Variants in AK4 observed in about 807,000 individuals in gnomAD.
The protein encoded by AK4 is adenylate kinase 4.
A neutral mutation model predicts 24.6 loss-of-function variants in AK4; 13 were observed. The ratio of observed to expected loss-of-function variants is 0.53; its 90% CI spans 0.34 to 0.84. AK4 has a LOEUF of 0.84. Among genes scored for constraint, AK4 ranks in the 40% least tolerant of loss-of-function variants. The probability of loss-of-function intolerance (pLI) is 0.01; values close to 1 mark genes in which losing one functional copy is unlikely to be tolerated. For synonymous variants in AK4, 88 were observed against 107.0 expected (o/e 0.82, Z 1.10); for missense variants, 192 against 288.2 (o/e 0.67, Z 2.42).
rs1456477430 is a variant in AK4, at chr1:65,190,972, A to G, written c.265+143A>G. ...TTTAATATTGCAATTTGGCAACATG[A>G]TAGGAACCCATTGTGGTGAAGCCTC... is the stretch of plus-strand genomic sequence containing the variant. On this transcript the variant is annotated intron_variant, in intron 2 of 4. Coordinates refer to ENST00000327299, the MANE Select transcript of AK4 (RefSeq NM_013410.4). 2.8e-6 allele frequency: 3 copies of G among 1,064,046 alleles called. No homozygotes were observed. In the African/African-American group the frequency reaches 4.9e-5, roughly 17 times the overall value. The allele number at this position is 1,064,046 out of a possible 1,614,324, so 65.9% of individuals were successfully genotyped here. A position where few individuals can be genotyped will look rare whatever the true frequency, so the allele number is the denominator to read the frequency against.
At chr1:65,202,787 A>G (rs1429033158) in intron 2 of AK4, among the ~76,000 whole-genome samples, 3 of 151,726 alleles carry the variant, frequency 2.0e-5, no homozygotes, top group African/African-American at 7.3e-5. Context: ...TGCTAAGAAG[A>G]CATTAACATG....
chr1:65,170,151 C>G (rs924821449), intron 1 of AK4, among the ~76,000 whole-genome samples: 3 of 151,988 alleles, frequency 2.0e-5, no homozygotes, highest in African/African-American at 7.3e-5. Context: ...CGGAGGCGGG[C>G]GGATCACGAG....
At chr1:65,167,762 G>A (rs1356787480) in intron 1 of AK4, among the ~76,000 whole-genome samples, 1 of 152,156 alleles carries the variant, frequency 6.6e-6, no homozygotes, top group Admixed American at 6.5e-5. Context: ...CGCCTTCTCT[G>A]GAAACAGGCT....
chr1:65,188,714 G>A (rs912471953), intron 1 of AK4, among the ~76,000 whole-genome samples: 2 of 151,674 alleles, frequency 1.3e-5, no homozygotes, highest in African/African-American at 2.4e-5. Context: ...TCCTGACCTC[G>A]TGATCCACCC....
chr1:65,160,896 G>C (rs549932532), intron 1 of AK4, among the ~76,000 whole-genome samples: 1 of 152,210 alleles, frequency 6.6e-6, no homozygotes, highest in African/African-American at 2.4e-5. Context: ...CACTGCAGGG[G>C]AGGAGCCCTT....
At chr1:65,207,417 A>G (rs956910705) in intron 2 of AK4, among the ~76,000 whole-genome samples, 8 of 152,154 alleles carry the variant, frequency 5.3e-5, no homozygotes, top group Non-Finnish European at 1.0e-4. Context: ...CCTGGGATCT[A>G]TAACTAGTGT....
intron 1 of AK4, among the ~76,000 whole-genome samples, chr1:65,156,168 G>T (rs1339387980): frequency 3.9e-5 from 6 of 152,058 alleles, no homozygotes; most frequent in Non-Finnish European, 5.9e-5. Flanking sequence ...AAGGTAAAAA[G>T]GTACATGCAG....
intron 3 of AK4, among the ~76,000 whole-genome samples, chr1:65,220,217 A>G (rs762953432): frequency 6.6e-6 from 1 of 152,212 alleles, no homozygotes; most frequent in South Asian, 2.1e-4. Context: ...TTTGTGCAAA[A>G]TGTAAGTTTT....
At chr1:65,223,918 G>A (rs556177340) in intron 3 of AK4, among the ~76,000 whole-genome samples, 11 of 152,208 alleles carry the variant, frequency 7.2e-5, no homozygotes, top group East Asian at 1.9e-4. Flanking sequence ...ACTTGAACCC[G>A]GGAGGCGGAG....
rs540390531 is a variant in AK4, at chr1:65,216,729, C to T, written c.266-2025C>T. The stretch of plus-strand genomic sequence containing the variant: ...TGAGACAGGAGCTCACTATCTCACT[C>T]TGTCACCCAGGCTGGAGTGCAGTAG... On this transcript the variant is annotated intron_variant, in intron 2 of 4. Transcript: ENST00000327299. 1.7e-4 allele frequency among the ~76,000 whole-genome samples: 24 copies of T among 141,296 alleles called. 5 individuals carry two copies. Among genetic ancestry groups the T allele is most frequent in the African/African-American group, 5.9e-4 (19 of 32,184 alleles). The allele number at this position is 141,296 out of a possible 152,430, so 92.7% of individuals were successfully genotyped here.
intron 2 of AK4, among the ~76,000 whole-genome samples, chr1:65,212,991 A>G (rs566108306): frequency 1.3e-5 from 2 of 152,220 alleles, no homozygotes; most frequent in Non-Finnish European, 2.9e-5. Flanking sequence ...CTTGGAAGCC[A>G]TGTAGTCCAG....
chr1:65,213,490 A>C (rs1652033904), intron 2 of AK4, among the ~76,000 whole-genome samples: 1 of 151,972 alleles, frequency 6.6e-6, no homozygotes, highest in Non-Finnish European at 1.5e-5. Context: ...TCTTAGAAAA[A>C]ACCCAGAAAA....
rs1291371460 is a variant in AK4 at position 65,226,174 on chromosome 1, T to A, written c.669T>A (p.Tyr223Ter). The A allele has an allele frequency of 1.9e-6, 3 of 1,603,348 alleles. No individual in the cohort carries two copies. The East Asian group carries it at 6.7e-5, about 36-fold the overall frequency. The change falls in exon 5 of 5, where the codon TAT becomes TAA. Residue 223 changes from tyrosine to a stop codon, truncating the protein, a stop_gained. Transcript: ENST00000327299. LOFTEE classifies it high-confidence loss of function. Reference sequence around the variant, plus strand: ...CACCTATTCAGTCCAAAGAAGCATATTGACCCTGCCCAATGGAAGAACCAG... The same window carrying A: ...CACCTATTCAGTCCAAAGAAGCATAATGACCCTGCCCAATGGAAGAACCAG... ...KITPIQSKEA[Y>*]
intron 1 of AK4, among the ~76,000 whole-genome samples, chr1:65,150,642 C>T (rs1649740745): frequency 6.6e-6 from 1 of 152,132 alleles, no homozygotes; most frequent in African/African-American, 2.4e-5. Context: ...CTGTTACCTG[C>T]TGTTTGCTTT....
intron 2 of AK4, among the ~76,000 whole-genome samples, chr1:65,195,303 A>G (rs1192792126): frequency 6.6e-6 from 1 of 152,174 alleles, no homozygotes; most frequent in Non-Finnish European, 1.5e-5. Flanking sequence ...ATACCTTTAA[A>G]TTGGCAATTA....
Position 65,148,365 on chromosome 1 carries a change from G to T in AK4, c.-43G>T. 1 of 1,512,340 alleles carries T rather than the reference G, an allele frequency of 6.6e-7. No homozygotes were observed. The highest frequency in any genetic ancestry group is 8.8e-7 in the Non-Finnish European group (1 of 1,131,526). The allele number at this position is 1,512,340 out of a possible 1,614,324, so 93.7% of individuals were successfully genotyped here. ...TTCCCGGGGCTTCCTCCGGGGCCGC[G>T]GTCGGGGCTGCGCGTTTGACCGCCC... On this transcript the variant is annotated 5_prime_UTR_variant, in exon 1 of 5. Transcript: ENST00000327299.
At chr1:65,169,728 T>G (rs1221175061) in intron 1 of AK4, among the ~76,000 whole-genome samples, 1 of 152,128 alleles carries the variant, frequency 6.6e-6, no homozygotes, top group African/African-American at 2.4e-5. Flanking sequence ...TCTGGCCTGG[T>G]CAGGATGAGG....
At chr1:65,171,269 G>T (rs1261624509) in intron 1 of AK4, among the ~76,000 whole-genome samples, 5 of 133,836 alleles carry the variant, frequency 3.7e-5, no homozygotes, top group Admixed American at 7.6e-5. Context: ...TTTTTTTTTG[G>T]ATATAGACTT....
chr1:65,209,999 G>T (rs1651922506), intron 2 of AK4, among the ~76,000 whole-genome samples: 1 of 152,076 alleles, frequency 6.6e-6, no homozygotes, highest in Non-Finnish European at 1.5e-5. Flanking sequence ...GTAGAGACAG[G>T]ATCTCACTTT....
Sources: allele counts gnomAD v4.1 joint callset (sites outside exome capture counted in the v4.1 genomes callset), GRCh38; gene constraint gnomAD v4.1.1; transcripts MANE v1.5; gene names NCBI Gene and HGNC (gene_info 2026-07-23, HGNC 2026-07-21).